The following ANXA4 variants were observed in gnomAD, a reference collection of about 807,000 sequenced individuals.
ANXA4 encodes 35-beta calcimedin.
In ANXA4, 39 loss-of-function variants were observed where a neutral mutation model predicts 49.8. The observed-to-expected ratio is 0.78, with a 90% CI of 0.61 to 1.02. The LOEUF (loss-of-function observed/expected upper bound fraction) is 1.02. Ranked by LOEUF, ANXA4 falls within the 50% of genes least tolerant of loss-of-function variation. The pLI is 0.00. For synonymous variants in ANXA4, 134 were observed against 152.5 expected (o/e 0.88, Z 0.89); for missense variants, 360 against 410.1 (o/e 0.88, Z 1.05).
At chr2:69,716,162 TGAGTAA>T (rs1678875030) in intron 2 of ANXA4, among the ~76,000 whole-genome samples, 2 of 151,746 alleles carry the variant, frequency 1.3e-5, no homozygotes, top group Admixed American at 6.6e-5. Flanking sequence ...CATGTACATA[TGAGTAA>T]GAGAGAGAGA....
intron 2 of ANXA4, among the ~76,000 whole-genome samples, chr2:69,784,980 T>G (rs1403481515): frequency 6.6e-6 from 1 of 152,198 alleles, no homozygotes; most frequent in Non-Finnish European, 1.5e-5. Flanking sequence ...GCAGTGGCCC[T>G]ATTTCCAAAT....
intron 3 of ANXA4, among the ~76,000 whole-genome samples, chr2:69,722,152 C>CCTGTGCCAAATA (rs1669829683): frequency 6.6e-6 from 1 of 152,110 alleles, no homozygotes; most frequent in African/African-American, 2.4e-5. Context: ...AAACTCACAC[C>CCTGTGCCAAATA]CATTCCTACT....
intron 1 of ANXA4, among the ~76,000 whole-genome samples, chr2:69,765,854 C>T (rs1197979710): frequency 2.0e-5 from 3 of 152,064 alleles, no homozygotes; most frequent in African/African-American, 7.2e-5. Flanking sequence ...AGGAGAGGGC[C>T]CTTCCTAGCA....
chr2:69,810,481 A>G, intron 6 of ANXA4, 113 bp from the exon 7 acceptor site: 1 of 837,092 alleles, frequency 1.2e-6, no homozygotes, highest in Admixed American at 2.0e-5. Flanking sequence ...AAACCTCATG[A>G]TAAGCTGCTT....
In ANXA4 at chr2:69,658,399, C is replaced by CAAAA. The variant is rs754617600; in HGVS notation, n.766+5132_766+5135dup. ...TCGGTGACAGAGCAAGGTTCTGTCT[C>CAAAA]AAAAAAAAAAAAAAAAAAGCAAACA... is the stretch of plus-strand genomic sequence containing the variant. On this transcript the variant is annotated intron_variant and non_coding_transcript_variant, in intron 2 of 3. Coordinates refer to the ANXA4 transcript ENST00000418066. 9.6e-3 allele frequency among the ~76,000 whole-genome samples: 717 copies of CAAAA among 74,600 alleles called. 15 individuals are homozygous for CAAAA. The highest frequency in any genetic ancestry group is 0.028 in the African/African-American group (668 of 24,250). The allele number at this position is 74,600 out of a possible 152,430, so 48.9% of individuals were successfully genotyped here.
chr2:69,750,067 G>A (rs1670776616), intron 1 of ANXA4, among the ~76,000 whole-genome samples: 1 of 152,040 alleles, frequency 6.6e-6, no homozygotes, highest in African/African-American at 2.4e-5. Context: ...TTGTTGTTAT[G>A]TACTTATTTG....
chr2:69,672,019 C>T (rs1200792419), intron 2 of ANXA4, among the ~76,000 whole-genome samples: 1 of 152,134 alleles, frequency 6.6e-6, no homozygotes, highest in Non-Finnish European at 1.5e-5. Flanking sequence ...CCTAGAAAAA[C>T]TCTTGAGGAT....
intron 2 of ANXA4, among the ~76,000 whole-genome samples, chr2:69,686,937 A>G (rs546023228): frequency 5.3e-5 from 8 of 152,238 alleles, no homozygotes; most frequent in Non-Finnish European, 1.0e-4. Flanking sequence ...ACACACCCAG[A>G]TCCCTTTATT....
At chr2:69,671,685 T>A (rs1677195891) in intron 2 of ANXA4, among the ~76,000 whole-genome samples, 1 of 152,224 alleles carries the variant, frequency 6.6e-6, no homozygotes, top group Non-Finnish European at 1.5e-5. Flanking sequence ...ATTGCGCCAC[T>A]GCACTCCTGC....
chr2:69,734,013 G>C (rs899556734), intron 3 of ANXA4, among the ~76,000 whole-genome samples: 2 of 151,400 alleles, frequency 1.3e-5, no homozygotes, highest in African/African-American at 4.9e-5. Context: ...TTGGCTCCCT[G>C]CCTGTCTATT....
chr2:69,792,337 C>G (rs970760027), intron 3 of ANXA4, among the ~76,000 whole-genome samples: 3 of 152,262 alleles, frequency 2.0e-5, no homozygotes, highest in African/African-American at 7.2e-5. Flanking sequence ...AAATTTTACC[C>G]TTGCATTAGT....
intron 2 of ANXA4, among the ~76,000 whole-genome samples, chr2:69,657,687 C>T (rs575078282): frequency 1.4e-4 from 21 of 152,182 alleles, no homozygotes; most frequent in South Asian, 4.1e-4. Context: ...TTTTAACTTC[C>T]TGTGAGTATA....
rs538032784 is a variant in ANXA4, at chr2:69,787,574, C to T, written c.10-480C>T. Among the ~76,000 whole-genome samples, 4 of 152,294 alleles carry T rather than the reference C, an allele frequency of 2.6e-5. No individual in the cohort carries two copies. In the South Asian group the frequency reaches 8.3e-4, roughly 32 times the overall value. ...CCCTTTTGGGGAGAACAGGGTTCCACGTTGGTGTAGTTTGTCTTCCCCCCA... is the reference window on the plus strand; with the variant it reads ...CCCTTTTGGGGAGAACAGGGTTCCATGTTGGTGTAGTTTGTCTTCCCCCCA... On this transcript the variant is annotated intron_variant, in intron 2 of 12. Transcript: ENST00000394295.
intron 2 of ANXA4, among the ~76,000 whole-genome samples, chr2:69,703,852 C>T (rs1471159666): frequency 6.6e-6 from 1 of 152,016 alleles, no homozygotes; most frequent in Non-Finnish European, 1.5e-5. Flanking sequence ...TGGAGTCTTA[C>T]TACGTTGCTC....
intron 2 of ANXA4, among the ~76,000 whole-genome samples, chr2:69,699,825 T>A (rs1173269559): frequency 1.3e-5 from 2 of 152,182 alleles, no homozygotes; most frequent in Admixed American, 1.3e-4. Flanking sequence ...GGGTCCATCA[T>A]GACCAAGAAA....
chr2:69,721,564 G>A (rs1046076326), intron 3 of ANXA4, among the ~76,000 whole-genome samples: 3 of 152,016 alleles, frequency 2.0e-5, no homozygotes, highest in Non-Finnish European at 2.9e-5. Flanking sequence ...AACCAGGCAC[G>A]GTGGAACACG....
At chr2:69,747,393 T>C (rs921467940) in intron 1 of ANXA4, among the ~76,000 whole-genome samples, 1 of 152,158 alleles carries the variant, frequency 6.6e-6, no homozygotes, top group Non-Finnish European at 1.5e-5. Context: ...CTCTTACTCC[T>C]CTACAGGGGA....
At chr2:69,823,596 A>T (rs1050544948) in intron 12 of ANXA4, among the ~76,000 whole-genome samples, 2 of 152,146 alleles carry the variant, frequency 1.3e-5, no homozygotes, top group Non-Finnish European at 2.9e-5. Flanking sequence ...GAATTTAGGG[A>T]GAAAAAGTAT....
Position 69,826,781 on chromosome 2 carries a change from A to T in ANXA4, c.*1266A>T, listed in dbSNP as rs1373936408. On this transcript the variant is annotated 3_prime_UTR_variant, in exon 13 of 13. Coordinates refer to ENST00000394295, the MANE Select transcript of ANXA4 (RefSeq NM_001153.5). ...TGGGCGACAGAGCGAGAATCCATCT[A>T]AAAAAAAAAAAAAAAAAAGTGTCTT... The T allele has an allele frequency of 5.8e-5, 4 of 68,754 alleles. No homozygotes were observed. The highest frequency in any genetic ancestry group is 8.5e-5 in the Non-Finnish European group (3 of 35,402). 4.3% of individuals were successfully genotyped at this position (68,754 alleles called of 1,614,324 possible). A position where few individuals can be genotyped will look rare whatever the true frequency, so the allele number is the denominator to read the frequency against.
Sources: allele counts gnomAD v4.1 joint callset (sites outside exome capture counted in the v4.1 genomes callset), GRCh38; gene constraint gnomAD v4.1.1; transcripts MANE v1.5; gene names NCBI Gene and HGNC (gene_info 2026-07-23, HGNC 2026-07-21).